ANXA8: variants seen among roughly 807,000 people sequenced by gnomAD.
ANXA8 encodes annexin A8.
A neutral mutation model predicts 26.8 loss-of-function variants in ANXA8; 9 were observed. The ratio of observed to expected loss-of-function variants is 0.34; its 90% CI spans 0.20 to 0.59. The LOEUF (loss-of-function observed/expected upper bound fraction) is 0.59. Among genes scored for constraint, ANXA8 ranks in the 20% least tolerant of loss-of-function variants. The pLI is 0.84. For synonymous variants in ANXA8, 39 were observed against 94.8 expected (o/e 0.41, Z 3.42); for missense variants, 83 against 238.5 (o/e 0.35, Z 4.29).
At chr10:47,546,197 T>C in the ANXA8 span, among the ~76,000 whole-genome samples, 3 of 140,114 alleles carry the variant, frequency 2.1e-5, no homozygotes, top group Non-Finnish European at 4.6e-5. Context: ...CAACCTCTTC[T>C]TTCAATCTCC....
chr10:47,980,538 G>T, the ANXA8 span, among the ~76,000 whole-genome samples: 2 of 151,600 alleles, frequency 1.3e-5, no homozygotes, highest in Non-Finnish European at 2.9e-5. Flanking sequence ...GAAGAAAAAA[G>T]TTATGTGCCC....
At chr10:47,680,211 T>C in the ANXA8 span, among the ~76,000 whole-genome samples, 2 of 151,816 alleles carry the variant, frequency 1.3e-5, no homozygotes, top group African/African-American at 4.9e-5. Context: ...ATTCTGGTGT[T>C]CTATTGCACA....
the ANXA8 span, among the ~76,000 whole-genome samples, chr10:47,516,215 A>T: frequency 1.4e-4 from 11 of 77,134 alleles, no homozygotes; most frequent in Admixed American, 7.9e-4. Flanking sequence ...ATAAAAAAAA[A>T]ATTCTCAAGA....
chr10:47,551,912 G>C, the ANXA8 span: 1 of 1,174,090 alleles, frequency 8.5e-7, no homozygotes, highest in Non-Finnish European at 1.1e-6. Context: ...CTGGTCCTTA[G>C]TCTCCATAGT....
At chr10:47,700,408 C>T in the ANXA8 span, among the ~76,000 whole-genome samples, 1 of 151,848 alleles carries the variant, frequency 6.6e-6, no homozygotes, top group Middle Eastern at 3.2e-3. Flanking sequence ...GAGATAAAAG[C>T]TAACTTCTTA....
chr10:47,696,624 G>A, the ANXA8 span: 2 of 611,000 alleles, frequency 3.3e-6, no homozygotes, highest in Admixed American at 3.9e-5. Flanking sequence ...CAGTTGGAGA[G>A]TATTGGTTTC....
chr10:47,495,421 G>T, the ANXA8 span, among the ~76,000 whole-genome samples: 3 of 150,440 alleles, frequency 2.0e-5, no homozygotes, highest in East Asian at 4.0e-4. Flanking sequence ...GAGTAGCTGG[G>T]ATTACCGGCA....
the ANXA8 span, among the ~76,000 whole-genome samples, chr10:47,968,178 G>A: frequency 1.2e-4 from 18 of 149,050 alleles, no homozygotes; most frequent in Non-Finnish European, 1.7e-4. Flanking sequence ...CAAATCTGTC[G>A]TAACCTGTAG....
At chr10:47,733,225 T>TTCTCTTTCTTTCTC in the ANXA8 span, among the ~76,000 whole-genome samples, 1 of 58,326 alleles carries the variant, frequency 1.7e-5, no homozygotes, top group Non-Finnish European at 3.7e-5. Context: ...TTCTTTCTCT[T>TTCTCTTTCTTTCTC]TCTTTCTCTC....
the ANXA8 span, among the ~76,000 whole-genome samples, chr10:47,733,173 CTT>C: frequency 2.0e-5 from 2 of 100,588 alleles, no homozygotes; most frequent in African/African-American, 6.2e-5. Context: ...TTCTTTCTTT[CTT>C]TCTTTCTTTC....
the ANXA8 span, among the ~76,000 whole-genome samples, chr10:47,895,225 C>T: frequency 2.0e-5 from 3 of 152,108 alleles, no homozygotes; most frequent in Non-Finnish European, 2.9e-5. Context: ...GGGGAGAAGA[C>T]AATGTGACTG....
the ANXA8 span, among the ~76,000 whole-genome samples, chr10:47,653,388 G>A: frequency 5.9e-5 from 9 of 151,278 alleles, no homozygotes; most frequent in African/African-American, 9.8e-5. Context: ...TTATGACATA[G>A]TAGTGAGTTG....
chr10:47,973,698 C>T, the ANXA8 span, among the ~76,000 whole-genome samples: 2 of 150,874 alleles, frequency 1.3e-5, no homozygotes, highest in East Asian at 1.9e-4. Flanking sequence ...TTAGAACTCA[C>T]CCAGCCAGGC....
the ANXA8 span, among the ~76,000 whole-genome samples, chr10:47,584,172 T>A: frequency 6.7e-6 from 1 of 149,388 alleles, no homozygotes; most frequent in African/African-American, 2.6e-5. Flanking sequence ...GGAGACCCTG[T>A]CTCAAAGACA....
the ANXA8 span, among the ~76,000 whole-genome samples, chr10:47,980,557 TC>T: frequency 4.6e-5 from 7 of 151,670 alleles, no homozygotes; most frequent in Admixed American, 2.0e-4. Context: ...CCTATTTCAT[TC>T]CCTATACATT....
chr10:47,673,517 C>G, the ANXA8 span, among the ~76,000 whole-genome samples: 116,287 of 142,830 alleles, frequency 0.81, 46,370 homozygotes, highest in African/African-American at 0.95. Context: ...CCTCCAGAAG[C>G]CTGGCTGGGG....
chr10:47,578,643 GCATGTTAACTGAAA>G, the ANXA8 span, among the ~76,000 whole-genome samples: 1 of 106,300 alleles, frequency 9.4e-6, no homozygotes, highest in Non-Finnish European at 2.0e-5. Flanking sequence ...TTAGAACTCA[GCATGTTAACTGAAA>G]TCTTCATAGT....
chr10:47,484,201 C>T (rs1275268981), upstream of ANXA8: 1 of 760,106 alleles, frequency 1.3e-6, no homozygotes, highest in African/African-American at 1.7e-5. Context: ...AACTCACTGG[C>T]AGATATTTGG....
At chr10:47,565,009 C>T in the ANXA8 span, 1 of 912,564 alleles carries the variant, frequency 1.1e-6, no homozygotes, top group Non-Finnish European at 1.8e-6. Flanking sequence ...TGGCCGGCAT[C>T]TCCTGCTGTG....
Sources: allele counts gnomAD v4.1 joint callset (sites outside exome capture counted in the v4.1 genomes callset), GRCh38; gene constraint gnomAD v4.1.1; transcripts MANE v1.5; gene names NCBI Gene and HGNC (gene_info 2026-07-23, HGNC 2026-07-21).